Variants in DCLK1 observed in about 807,000 individuals in gnomAD.
DCLK1 encodes the protein doublecortin like kinase 1, also known as serine/threonine-protein kinase DCLK1.
Under a neutral mutation model 86.2 loss-of-function variants are expected in DCLK1, and 16 were observed. That is an observed-to-expected ratio of 0.19 (90% CI 0.13 to 0.28). The LOEUF (loss-of-function observed/expected upper bound fraction) is 0.28, where lower values mean the gene tolerates loss of function less well. Ranked by LOEUF, DCLK1 falls within the 10% of genes least tolerant of loss-of-function variation. The pLI is 1.00. For synonymous variants in DCLK1, 369 were observed against 370.5 expected, an observed-to-expected ratio of 1.00 and a Z score of 0.05; for missense variants, 590 against 940.2, an observed-to-expected ratio of 0.63 and a Z score of 4.87.
chr13:35,937,283 A>G (rs1012320347), intron 4 of DCLK1, among the ~76,000 whole-genome samples: 4 of 152,152 alleles, frequency 2.6e-5, no homozygotes, highest in Non-Finnish European at 5.9e-5. Context: ...CCAGAAAGTT[A>G]GCTTTAAAAT....
At chr13:35,974,342 G>A (rs1879219410) in intron 3 of DCLK1, among the ~76,000 whole-genome samples, 1 of 152,140 alleles carries the variant, frequency 6.6e-6, no homozygotes, top group Admixed American at 6.5e-5. Context: ...ACACAAAGAG[G>A]GAATTTGGTC....
At chr13:35,937,656 G>T (rs1017116613) in intron 4 of DCLK1, among the ~76,000 whole-genome samples, 2 of 152,178 alleles carry the variant, frequency 1.3e-5, no homozygotes, top group African/African-American at 2.4e-5. Context: ...GATTGCTGAG[G>T]TGCCATCCAG....
At chr13:35,786,796 A>G (rs1301317543) in intron 16 of DCLK1, among the ~76,000 whole-genome samples, 7 of 152,202 alleles carry the variant, frequency 4.6e-5, no homozygotes, top group Non-Finnish European at 5.9e-5. Context: ...TTCTACATCC[A>G]TAAGGCCAAT....
At chr13:35,871,986 A>T (rs1872302131) in intron 4 of DCLK1, among the ~76,000 whole-genome samples, 2 of 152,238 alleles carry the variant, frequency 1.3e-5, no homozygotes, top group South Asian at 4.1e-4. Flanking sequence ...CTTGAGGATA[A>T]GAAACAACTT....
intron 4 of DCLK1, among the ~76,000 whole-genome samples, chr13:35,901,737 T>C (rs1027857602): frequency 1.3e-5 from 2 of 152,066 alleles, no homozygotes; most frequent in Admixed American, 1.3e-4. Flanking sequence ...TGCTGCTTGC[T>C]ACAGCATTCT....
At chr13:35,983,628 A>G (rs1171764393) in intron 3 of DCLK1, among the ~76,000 whole-genome samples, 1 of 152,252 alleles carries the variant, frequency 6.6e-6, no homozygotes, top group Non-Finnish European at 1.5e-5. Flanking sequence ...ATTGTTTGCA[A>G]CACAAAGGAT....
intron 3 of DCLK1, among the ~76,000 whole-genome samples, chr13:36,043,475 A>T (rs1882766952): frequency 6.6e-6 from 1 of 152,122 alleles, no homozygotes; most frequent in Non-Finnish European, 1.5e-5. Context: ...ACAAAGAGAA[A>T]GAAATTATCA....
At chr13:35,899,387 G>C (rs1393326273) in intron 4 of DCLK1, among the ~76,000 whole-genome samples, 5 of 148,194 alleles carry the variant, frequency 3.4e-5, no homozygotes, top group East Asian at 4.1e-4. Context: ...GAGAGAGAGA[G>C]AGAAAGAAGA....
intron 4 of DCLK1, among the ~76,000 whole-genome samples, chr13:35,926,724 C>A (rs1056461720): frequency 2.0e-5 from 3 of 152,188 alleles, no homozygotes; most frequent in Non-Finnish European, 4.4e-5. Context: ...ATGGTTTTCA[C>A]CTACATCATC....
chr13:35,924,043 A>G (rs1458745498), intron 4 of DCLK1, among the ~76,000 whole-genome samples: 1 of 152,124 alleles, frequency 6.6e-6, no homozygotes, highest in African/African-American at 2.4e-5. Context: ...CTCAAGTATC[A>G]CAGCCGAACT....
chr13:35,984,376 G>C (rs1417423428), intron 3 of DCLK1, among the ~76,000 whole-genome samples: 1 of 152,184 alleles, frequency 6.6e-6, no homozygotes, highest in Non-Finnish European at 1.5e-5. Flanking sequence ...GACATTGTTT[G>C]GAGACAACAC....
At chr13:35,809,817 G>C (rs890179085) in intron 12 of DCLK1, among the ~76,000 whole-genome samples, 1 of 152,158 alleles carries the variant, frequency 6.6e-6, no homozygotes, top group Non-Finnish European at 1.5e-5. Flanking sequence ...CTCGCCTCAG[G>C]AATTTCCCTA....
chr13:36,062,991 G>A (rs1883614881), intron 3 of DCLK1, among the ~76,000 whole-genome samples: 2 of 152,136 alleles, frequency 1.3e-5, no homozygotes, highest in South Asian at 4.1e-4. Context: ...GCGGATGTCT[G>A]TATCTGATGT....
intron 3 of DCLK1, among the ~76,000 whole-genome samples, chr13:36,073,538 A>G (rs1308796819): frequency 6.6e-6 from 1 of 152,218 alleles, no homozygotes; most frequent in South Asian, 2.1e-4. Flanking sequence ...CAGGTATCTG[A>G]AGATATCTGA....
intron 3 of DCLK1, among the ~76,000 whole-genome samples, chr13:36,105,918 C>T (rs79936772): frequency 0.095 from 14,429 of 152,084 alleles, 940 homozygotes; most frequent in African/African-American, 0.19. Context: ...CAGGCCGGGT[C>T]AGGGCTCCAG....
intron 4 of DCLK1, among the ~76,000 whole-genome samples, chr13:35,888,776 C>T (rs904893177): frequency 4.6e-5 from 7 of 152,186 alleles, no homozygotes; most frequent in African/African-American, 1.2e-4. Flanking sequence ...AGGCAGTTAT[C>T]GTTGGCTAAG....
chr13:36,041,271 G>T (rs1750719), intron 3 of DCLK1, among the ~76,000 whole-genome samples: 52,675 of 151,910 alleles, frequency 0.35, 9,565 homozygotes, highest in Middle Eastern at 0.4. Context: ...CATCATTTTA[G>T]TCTCCTCCTT....
In DCLK1 at chr13:36,075,815, G is replaced by C. The variant is rs372552350; in HGVS notation, c.723+36054C>G. ...GCAGATCACCTGAGGTCAGGAGTTT[G>C]AGACCATCCTGGCCAACATGGTGAA... On this transcript the variant is annotated intron_variant, in intron 3 of 16. Transcript: ENST00000360631. 4.6e-5 allele frequency among the ~76,000 whole-genome samples: 7 copies of C among 152,214 alleles called. No homozygotes were observed. In the East Asian group the frequency reaches 7.8e-4, roughly 17 times the overall value.
intron 3 of DCLK1, among the ~76,000 whole-genome samples, chr13:36,016,178 T>C (rs1418207729): frequency 6.6e-6 from 1 of 152,212 alleles, no homozygotes; most frequent in African/African-American, 2.4e-5. Context: ...TGCTGCTTTA[T>C]ACATGTAACC....
Sources: allele counts gnomAD v4.1 joint callset (sites outside exome capture counted in the v4.1 genomes callset), GRCh38; gene constraint gnomAD v4.1.1; transcripts MANE v1.5; gene names NCBI Gene and HGNC (gene_info 2026-07-23, HGNC 2026-07-21).